The following CCDC144A variants were observed in gnomAD, a reference collection of about 807,000 sequenced individuals.
The protein encoded by CCDC144A is coiled-coil domain-containing protein 144A.
CCDC144A carries 41 observed loss-of-function variants against 143.8 expected under a neutral mutation model. That is an observed-to-expected ratio of 0.29 (90% confidence interval 0.22 to 0.37). CCDC144A has a LOEUF of 0.37. Among genes scored for constraint, CCDC144A ranks in the 10% least tolerant of loss-of-function variants. The pLI, the probability that CCDC144A is intolerant of heterozygous loss-of-function variation, is 1.00. For missense variants in CCDC144A, 637 were observed against 1,488.8 expected (o/e 0.43, Z 9.41); for synonymous variants, 242 against 517.9 (o/e 0.47, Z 7.23).
upstream of CCDC144A, among the ~76,000 whole-genome samples, chr17:16,686,302 C>T (rs1478723117): frequency 2.6e-5 from 4 of 152,188 alleles, no homozygotes; most frequent in East Asian, 7.7e-4. Context: ...ATACCAGCCC[C>T]TCTCCAATGG....
At chr17:16,730,036 A>T (rs1318662716) in intron 9 of CCDC144A, among the ~76,000 whole-genome samples, 2 of 125,838 alleles carry the variant, frequency 1.6e-5, no homozygotes, top group African/African-American at 6.3e-5. Flanking sequence ...ATGAGGTCTC[A>T]TTATGTTGCC....
At chr17:16,680,967 A>C in the CCDC144A span, among the ~76,000 whole-genome samples, 1 of 152,198 alleles carries the variant, frequency 6.6e-6, no homozygotes, top group South Asian at 2.1e-4. Flanking sequence ...AACCAGTCTA[A>C]GAATCATGAG....
Position 16,731,202 on chromosome 17 carries a change from G to A in CCDC144A, c.2106-598G>A, listed in dbSNP as rs548063518. On this transcript the variant is annotated intron_variant, in intron 9 of 16. Coordinates refer to ENST00000399273, the MANE Select transcript of CCDC144A (RefSeq NM_001382000.1). ...AAATACTTAAGAATCAAGAAGATAA[G>A]TTGAAAGTGTTACCCAAAAGAGAAA... 4 of 152,218 alleles carry A rather than the reference G, an allele frequency of 2.6e-5. No individual in the cohort carries two copies. The East Asian group carries it at 7.7e-4, about 29-fold the overall frequency. 9.4% of individuals were successfully genotyped at this position (152,218 alleles called of 1,614,324 possible).
intron 16 of CCDC144A, 104 bp from the exon 17 acceptor site, chr17:16,773,393 A>G: frequency 1.4e-6 from 2 of 1,424,400 alleles, no homozygotes; most frequent in Non-Finnish European, 9.3e-7. Flanking sequence ...GACTGCAGTG[A>G]CCTGTGATCA....
chr17:16,710,252 G>T (rs998810768), intron 5 of CCDC144A: 2 of 161,098 alleles, frequency 1.2e-5, no homozygotes, highest in African/African-American at 4.8e-5. Flanking sequence ...ACCAGCCCAG[G>T]TCGGAAGTGG....
chr17:16,701,870 C>T (rs71240190), intron 2 of CCDC144A, among the ~76,000 whole-genome samples: 1 of 144,020 alleles, frequency 6.9e-6, no homozygotes, highest in South Asian at 2.1e-4. Context: ...TCCAGATAGA[C>T]TCTAGCGATG....
At chr17:16,691,822 G>A (rs2621670) in intron 1 of CCDC144A, 1 of 152,212 alleles carries the variant, frequency 6.6e-6, no homozygotes. Context: ...AACATATACT[G>A]AAATTGGAAC....
At chr17:16,723,148 A>G (rs1264189355) in intron 8 of CCDC144A, among the ~76,000 whole-genome samples, 1 of 151,820 alleles carries the variant, frequency 6.6e-6, no homozygotes, top group East Asian at 1.9e-4. Flanking sequence ...TTTTCTTTCT[A>G]GGAAGGCTTT....
At chr17:16,751,554 C>A (rs1272622593) in intron 12 of CCDC144A, among the ~76,000 whole-genome samples, 10 of 152,154 alleles carry the variant, frequency 6.6e-5, no homozygotes, top group Non-Finnish European at 2.9e-5. Context: ...TTGGGAGAGC[C>A]CCCTCCAATC....
At chr17:16,719,581 G>T (rs1443751550) in intron 6 of CCDC144A, among the ~76,000 whole-genome samples, 1 of 152,090 alleles carries the variant, frequency 6.6e-6, no homozygotes, top group Non-Finnish European at 1.5e-5. Context: ...CCAGCTATAT[G>T]GGCTGAGGAC....
intron 14 of CCDC144A, among the ~76,000 whole-genome samples, chr17:16,762,796 C>A (rs1483287694): frequency 3.9e-5 from 6 of 152,074 alleles, no homozygotes; most frequent in Non-Finnish European, 7.3e-5. Context: ...TGTGGCTTCC[C>A]CCAACCCCTT....
intron 15 of CCDC144A, among the ~76,000 whole-genome samples, chr17:16,767,972 T>C (rs1915678295): frequency 6.6e-6 from 1 of 152,276 alleles, no homozygotes; most frequent in Admixed American, 6.5e-5. Flanking sequence ...TGCAACCGGT[T>C]ACGGGGTTAC....
At chr17:16,743,084 T>TA (rs1316428051) in intron 12 of CCDC144A, among the ~76,000 whole-genome samples, 11 of 152,262 alleles carry the variant, frequency 7.2e-5, no homozygotes, top group Admixed American at 7.2e-4. Flanking sequence ...AATATAGCTT[T>TA]ACTTGTGTAT....
chr17:16,761,238 G>T (rs746891508), intron 12 of CCDC144A, among the ~76,000 whole-genome samples, 187 bp from the exon 13 acceptor site: 5 of 151,800 alleles, frequency 3.3e-5, no homozygotes, highest in African/African-American at 9.7e-5. Context: ...CTCCAGCTAC[G>T]CAGGAGAATG....
intron 12 of CCDC144A, among the ~76,000 whole-genome samples, chr17:16,751,209 T>TA (rs1176242795): frequency 1.3e-5 from 2 of 152,192 alleles, no homozygotes; most frequent in Non-Finnish European, 2.9e-5. Flanking sequence ...TTTTTGTTTT[T>TA]ATGTTCTTTT....
intron 3 of CCDC144A, chr17:16,705,785 A>G (rs956905553): frequency 7.6e-6 from 2 of 263,174 alleles, no homozygotes; most frequent in African/African-American, 4.6e-5. Flanking sequence ...AGTTATAACT[A>G]TATGCACTAC....
intron 12 of CCDC144A, chr17:16,737,446 G>C: frequency 1.6e-6 from 2 of 1,243,072 alleles, no homozygotes; most frequent in South Asian, 2.8e-5. Context: ...GATTACAGGC[G>C]TGAGCCACCG....
intron 8 of CCDC144A, among the ~76,000 whole-genome samples, chr17:16,725,955 A>G: frequency 6.6e-6 from 1 of 150,960 alleles, no homozygotes; most frequent in Non-Finnish European, 1.5e-5. Flanking sequence ...AAGTTTTCTC[A>G]TAGTTCACTG....
Position 16,771,993 on chromosome 17 carries a change from A to C in CCDC144A, c.4115A>C (p.Gln1372Pro), listed in dbSNP as rs972650415. The C allele has an allele frequency of 2.6e-6, 4 of 1,539,386 alleles. No homozygotes were observed. In the African/African-American group the frequency reaches 4.1e-5, roughly 16 times the overall value. The change falls in exon 16 of 17, where the codon CAA becomes CCA. Residue 1372 changes from glutamine (Q) to proline (P), a missense_variant. Transcript: ENST00000399273. ...SYLLKMQQKL[Q>P]NDLTAEVAAA... ...TTATTTCAGATGCAGCAGAAGTTGC[A>C]AAATGATCTAACTGCAGAAGTAGCA...
Sources: allele counts gnomAD v4.1 joint callset (sites outside exome capture counted in the v4.1 genomes callset), GRCh38; gene constraint gnomAD v4.1.1; transcripts MANE v1.5; gene names NCBI Gene and HGNC (gene_info 2026-07-23, HGNC 2026-07-21).